The following CCNI2 variants were observed in gnomAD, a reference collection of about 807,000 sequenced individuals.
The protein encoded by CCNI2 is cyclin-I2.
CCNI2 carries 32 observed loss-of-function variants against 33.2 expected under a neutral mutation model. That is an observed-to-expected ratio of 0.96 (90% CI 0.73 to 1.30). The LOEUF (loss-of-function observed/expected upper bound fraction) is 1.30, where lower values mean the gene tolerates loss of function less well. Among genes scored for constraint, CCNI2 ranks in the 50% most tolerant of loss-of-function variants. The pLI, the probability that CCNI2 is intolerant of heterozygous loss-of-function variation, is 0.00. For missense variants in CCNI2, 452 were observed against 486.2 expected, an observed-to-expected ratio of 0.93 and a Z score of 0.66; for synonymous variants, 231 against 219.9, an observed-to-expected ratio of 1.05 and a Z score of -0.45.
chr5:132,749,343 T>C lies in CCNI2; in HGVS notation c.559-5T>C, dbSNP rs750518516. On this transcript the variant is annotated splice_region_variant and splice_polypyrimidine_tract_variant and intron_variant, in intron 2 of 5. Transcript: ENST00000378731. The stretch of plus-strand genomic sequence containing the variant: ...CTGCTCAAATGTGTTTGTTCCATAC[T>C]GCAGGTAAAAGAGAAATACCTGCAT... 3.1e-6 allele frequency: 5 copies of C among 1,611,650 alleles called. No homozygotes were observed. The East Asian group carries it at 1.1e-4, about 36-fold the overall frequency.
In CCNI2 at chr5:132,751,020, A is replaced by G. The variant is rs774182159; in HGVS notation, c.774+23A>G. On this transcript the variant is annotated intron_variant, in intron 4 of 5. Transcript: ENST00000378731. ...ATAGTGAGTAAGGAGGTGTTTACAG[A>G]GTCTACCCTAAACTCGTTTGTGCCT... 66 of 1,609,052 alleles carry G rather than the reference A, an allele frequency of 4.1e-5. No homozygotes were observed. In the South Asian group the frequency reaches 7.0e-4, roughly 17 times the overall value.
At chr5:132,749,197 A>T in intron 2 of CCNI2, 151 bp from the exon 3 acceptor site, 1 of 613,966 alleles carries the variant, frequency 1.6e-6, no homozygotes, top group East Asian at 3.0e-5. Flanking sequence ...TGGAGGTTGC[A>T]GTGAGCCAAG....
rs1044108950 is a variant in CCNI2 at position 132,753,962 on chromosome 5, T to G, written c.*992T>G. On this transcript the variant is annotated 3_prime_UTR_variant, in exon 6 of 6. Transcript: ENST00000378731. Reference sequence around the variant, plus strand: ...TCTTCCACTGTGAACTATGGTTTTTTTTTTTTTTTTTTTTTTTTGGTGTGT... The same window carrying G: ...TCTTCCACTGTGAACTATGGTTTTTGTTTTTTTTTTTTTTTTTTGGTGTGT... 2 of 149,146 alleles carry G rather than the reference T, an allele frequency of 1.3e-5. No homozygotes were observed. The highest frequency in any genetic ancestry group is 1.5e-5 in the Non-Finnish European group (1 of 67,544). 9.2% of individuals were successfully genotyped at this position (149,146 alleles called of 1,614,324 possible). A position where few individuals can be genotyped will look rare whatever the true frequency, so the allele number is the denominator to read the frequency against.
Position 132,753,225 on chromosome 5 carries a change from A to G in CCNI2, c.*255A>G. The G allele has an allele frequency of 2.1e-6, 1 of 481,274 alleles. No individual in the cohort carries two copies. The highest frequency in any genetic ancestry group is 3.8e-6 in the Non-Finnish European group (1 of 266,196). 29.8% of individuals were successfully genotyped at this position (481,274 alleles called of 1,614,324 possible). A position where few individuals can be genotyped will look rare whatever the true frequency, so the allele number is the denominator to read the frequency against. ...CTTCCCTTTTTCTCCTCTGGGCCTGAAGCCAGGGAGTATGAATGAATGTTC... is the reference window on the plus strand; with the variant it reads ...CTTCCCTTTTTCTCCTCTGGGCCTGGAGCCAGGGAGTATGAATGAATGTTC... On this transcript the variant is annotated 3_prime_UTR_variant, in exon 6 of 6. Coordinates refer to ENST00000378731, the MANE Select transcript of CCNI2 (RefSeq NM_001039780.4).
downstream of CCNI2, chr5:132,755,930 A>T (rs1755287699): frequency 1.0e-6 from 1 of 971,152 alleles, no homozygotes; most frequent in Admixed American, 6.2e-5. Context: ...ATTTTACCAC[A>T]GTTGTAGCAG....
chr5:132,748,315 T>G, intron 1 of CCNI2, 32 bp from the exon 2 acceptor site: 1 of 1,612,004 alleles, frequency 6.2e-7, no homozygotes, highest in Non-Finnish European at 8.5e-7. Flanking sequence ...GCTAGCGACC[T>G]TCCTCGCCCC....
rs1478202265 is a variant in CCNI2, at chr5:132,747,552, C to A, written c.57C>A (p.Val19=). ...PQPSSSEVSA[V]QSPGGRPGAG... is the part of the protein sequence containing the mutation. ...CGTCGAGCTCAGAGGTCAGCGCCGT[C>A]CAGAGCCCAGGCGGGCGTCCCGGCG... Residue 19 remains valine, a synonymous_variant, in exon 1 of 6, where the codon GTC becomes GTA. Transcript: ENST00000378731. The surrounding 1 kb of genome is among the most constrained non-coding windows in gnomAD (Gnocchi z 4.1). 4.7e-6 allele frequency: 7 copies of A among 1,503,344 alleles called. No homozygotes were observed. Among genetic ancestry groups the A allele is most frequent in the Non-Finnish European group, 6.2e-6 (7 of 1,132,628 alleles). 93.1% of individuals were successfully genotyped at this position (1,503,344 alleles called of 1,614,324 possible).
intron 3 of CCNI2, 28 bp downstream of exon 3, chr5:132,749,450 G>A: frequency 6.3e-7 from 1 of 1,585,518 alleles, no homozygotes; most frequent in Non-Finnish European, 8.7e-7. Context: ...TCCACACTGG[G>A]CTGCACTTGA....
intron 3 of CCNI2, among the ~76,000 whole-genome samples, chr5:132,750,351 G>A (rs1029596219): frequency 6.6e-6 from 1 of 152,192 alleles, no homozygotes; most frequent in Non-Finnish European, 1.5e-5. Context: ...TTCCAGAACT[G>A]AACCACCTTC....
In CCNI2 at chr5:132,747,669, G is replaced by T; in HGVS notation, c.174G>T (p.Gly58=). The change falls in exon 1 of 6, where the codon GGG becomes GGT. Residue 58 remains glycine (G), a synonymous_variant. Coordinates refer to ENST00000378731, the MANE Select transcript of CCNI2 (RefSeq NM_001039780.4). The surrounding 1 kb of genome is among the most constrained non-coding windows in gnomAD (Gnocchi z 4.1). Reference sequence around the variant, plus strand: ...GAAGCAACCGGAGCAGGTGCCCTGGGACCCGCCAGCCCGGAGCGGCCTCCC... The same window carrying T: ...GAAGCAACCGGAGCAGGTGCCCTGGTACCCGCCAGCCCGGAGCGGCCTCCC... ...LPRSNRSRCP[G]TRQPGAASLH... is the part of the protein sequence containing the mutation. The T allele has an allele frequency of 6.7e-7, 1 of 1,502,772 alleles. No individual in the cohort carries two copies. Among genetic ancestry groups the T allele is most frequent in the Non-Finnish European group, 8.8e-7 (1 of 1,133,038 alleles). The allele number at this position is 1,502,772 out of a possible 1,614,324, so 93.1% of individuals were successfully genotyped here. A position where few individuals can be genotyped will look rare whatever the true frequency, so the allele number is the denominator to read the frequency against.
rs532519405 is a variant in CCNI2 at position 132,748,112 on chromosome 5, C to G, written c.429+188C>G. Among the ~76,000 whole-genome samples, 11 of 152,268 alleles carry G rather than the reference C, an allele frequency of 7.2e-5. No homozygotes were observed. The South Asian group carries it at 2.3e-3, about 32-fold the overall frequency. ...GAGGGCGTCTTGCTAGCAGGGCCTTCGGAAGAGGGCCTGTTTGAATCAAGG... is the reference window on the plus strand; with the variant it reads ...GAGGGCGTCTTGCTAGCAGGGCCTTGGGAAGAGGGCCTGTTTGAATCAAGG... On this transcript the variant is annotated intron_variant, in intron 1 of 5. Coordinates refer to ENST00000378731, the MANE Select transcript of CCNI2 (RefSeq NM_001039780.4).
intron 5 of CCNI2, among the ~76,000 whole-genome samples, chr5:132,752,562 T>C (rs1754940245): frequency 1.3e-5 from 2 of 152,068 alleles, no homozygotes; most frequent in African/African-American, 4.8e-5. Flanking sequence ...CACCTCTCCT[T>C]TGTATGAGTG....
At chr5:132,756,031 AAAAT>A (rs1193315329), downstream of CCNI2, 10 of 985,272 alleles carry the variant, frequency 1.0e-5, no homozygotes, top group Non-Finnish European at 1.2e-5. Flanking sequence ...TTTAATGAAA[AAAAT>A]AAGTACAAAG....
chr5:132,747,804 G>C lies in CCNI2; in HGVS notation c.309G>C (p.Pro103=). The C allele has an allele frequency of 6.8e-7, 1 of 1,478,762 alleles. No individual in the cohort carries two copies. Among genetic ancestry groups the C allele is most frequent in the African/African-American group, 1.5e-5 (1 of 68,488 alleles). 91.6% of individuals were successfully genotyped at this position (1,478,762 alleles called of 1,614,324 possible). A position where few individuals can be genotyped will look rare whatever the true frequency, so the allele number is the denominator to read the frequency against. ...PAAAPEQAPR[P]APQSRKPRNL... Reference sequence around the variant, plus strand: ...CCGCCCCAGAGCAAGCTCCGCGGCCGGCTCCACAGTCCCGCAAGCCGCGCA... The same window carrying C: ...CCGCCCCAGAGCAAGCTCCGCGGCCCGCTCCACAGTCCCGCAAGCCGCGCA... The change falls in exon 1 of 6, where the codon CCG becomes CCC. Residue 103 remains proline, a synonymous_variant. Transcript: ENST00000378731. This position sits in a 1 kb window ranked among gnomAD's most constrained non-coding sequence, Gnocchi z 4.1.
chr5:132,752,097 C>A lies in CCNI2; in HGVS notation c.906C>A (p.Phe302Leu). ...HCMAGHQLLQ[F>L]KGSTLALVII... ...TGGCGGGCCACCAGCTGCTGCAGTT[C>A]AAGGGCTCCACACTGGCCTTGGTCA... Residue 302 changes from phenylalanine (F) to leucine (L), a missense_variant, in exon 5 of 6, where the codon TTC (phenylalanine) becomes TTA (leucine). Phe to Leu is a conservative substitution (Grantham distance 22). Coordinates refer to ENST00000378731, the MANE Select transcript of CCNI2 (RefSeq NM_001039780.4). The A allele has an allele frequency of 6.2e-7, 1 of 1,601,168 alleles. No homozygotes were observed.
chr5:132,754,471 G>GGT (rs1685172523), downstream of CCNI2: 1 of 717,370 alleles, frequency 1.4e-6, no homozygotes, highest in African/African-American at 1.7e-5. Context: ...TGCTTAACCA[G>GGT]GTGGCTATGG....
At chr5:132,750,047 C>T (rs185000971) in intron 3 of CCNI2, among the ~76,000 whole-genome samples, 26 of 152,304 alleles carry the variant, frequency 1.7e-4, no homozygotes, top group Non-Finnish European at 3.7e-4. Context: ...GAAATCACTG[C>T]CATTGCCACG....
rs756694987 is a variant in CCNI2 at position 132,752,037 on chromosome 5, C to T, written c.846C>T (p.His282=). Residue 282 remains histidine, a synonymous_variant, in exon 5 of 6, where the codon CAC becomes CAT. Transcript: ENST00000378731. ...ELLPQRNPSL[H]VASLTRQLQH... ...TGCCTCAGAGGAATCCTTCCCTCCA[C>T]GTCGCATCCCTGACCAGGCAGCTGC... 1.4e-5 allele frequency: 23 copies of T among 1,611,438 alleles called. No homozygotes were observed. The highest frequency in any genetic ancestry group is 5.6e-5 in the South Asian group (5 of 90,010).
intron 2 of CCNI2, 118 bp from the exon 3 acceptor site, chr5:132,749,230 T>C (rs1007840722): frequency 2.6e-6 from 2 of 780,066 alleles, no homozygotes; most frequent in Non-Finnish European, 4.3e-6. Flanking sequence ...CACTCCAGCC[T>C]GGGCAACAGA....
Sources: gnomAD v4.1 joint callset for allele counts (sites outside exome capture counted in the v4.1 genomes callset) on GRCh38, gnomAD v4.1.1 for gene constraint, Gnocchi (gnomAD v3.1) non-coding constraint, MANE v1.5 for transcripts, NCBI Gene and HGNC (gene_info 2026-07-23, HGNC 2026-07-21) for gene names.